The following TMEM167A variants were observed in gnomAD, a reference collection of about 807,000 sequenced individuals.
The protein encoded by TMEM167A is transmembrane protein 167A.
In TMEM167A, 8 loss-of-function variants were observed where a neutral mutation model predicts 11.6. The observed-to-expected ratio is 0.69, with a 90% CI of 0.40 to 1.24. TMEM167A has a LOEUF of 1.24. Among genes scored for constraint, TMEM167A ranks in the 50% most tolerant of loss-of-function variants. The pLI is 0.01. For missense variants in TMEM167A, 62 were observed against 87.0 expected (o/e 0.71, Z 1.14); for synonymous variants, 22 against 28.0 (o/e 0.79, Z 0.67).
chr5:83,070,925 AAAAAG>A (rs1744550699), intron 1 of TMEM167A, among the ~76,000 whole-genome samples: 1 of 152,266 alleles, frequency 6.6e-6, no homozygotes, highest in South Asian at 2.1e-4. Flanking sequence ...AAGAAATCTT[AAAAAG>A]AAACCACTGA....
chr5:83,066,483 A>G (rs1744482865), intron 1 of TMEM167A, among the ~76,000 whole-genome samples: 1 of 152,222 alleles, frequency 6.6e-6, no homozygotes, highest in South Asian at 2.1e-4. Flanking sequence ...TCATAATCAT[A>G]TTATCATTCA....
At chr5:83,061,849 G>T in intron 3 of TMEM167A, 28 bp downstream of exon 3, 1 of 1,594,066 alleles carries the variant, frequency 6.3e-7, no homozygotes, top group Non-Finnish European at 8.6e-7. Flanking sequence ...TACAGCTGAA[G>T]AAATGGAGGG....
chr5:83,063,461 A>AT (rs913397289), intron 2 of TMEM167A, among the ~76,000 whole-genome samples: 1 of 152,140 alleles, frequency 6.6e-6, no homozygotes, highest in African/African-American at 2.4e-5. Context: ...TGGCTCCTTC[A>AT]TTCTAGAACC....
chr5:83,063,321 TA>T (rs1294775322), intron 2 of TMEM167A, among the ~76,000 whole-genome samples: 7 of 152,078 alleles, frequency 4.6e-5, no homozygotes, highest in African/African-American at 1.7e-4. Flanking sequence ...GGAAAGTCCT[TA>T]GAATGGTGAC....
intron 1 of TMEM167A, chr5:83,071,275 A>G (rs567219990): frequency 2.0e-4 from 30 of 152,302 alleles, no homozygotes; most frequent in Middle Eastern, 3.4e-3. Context: ...TGACATACTA[A>G]TTCCTCCAGC....
intron 1 of TMEM167A, among the ~76,000 whole-genome samples, chr5:83,075,909 C>T (rs914829213): frequency 2.6e-5 from 4 of 152,172 alleles, no homozygotes; most frequent in Non-Finnish European, 4.4e-5. Context: ...CACTTCGTAG[C>T]TCTGCAAACA....
chr5:83,065,199 G>A, intron 1 of TMEM167A, 82 bp from the exon 2 acceptor site: 5 of 862,768 alleles, frequency 5.8e-6, no homozygotes, highest in South Asian at 1.7e-5. Context: ...CACATTTAGA[G>A]TCATGTTTTT....
chr5:83,063,415 T>C (rs1188308146), intron 2 of TMEM167A, among the ~76,000 whole-genome samples: 3 of 152,098 alleles, frequency 2.0e-5, no homozygotes, highest in African/African-American at 7.2e-5. Flanking sequence ...CATTTCTTCA[T>C]CAAACAATGG....
In TMEM167A at chr5:83,055,116, G is replaced by C. The variant is rs537295336; in HGVS notation, c.*1968C>G. On this transcript the variant is annotated 3_prime_UTR_variant, in exon 4 of 4. Coordinates refer to ENST00000502346, the MANE Select transcript of TMEM167A (RefSeq NM_174909.5). ...TCAGAATGGTTGTTGTTACAAATAT[G>C]CTGCCTCCCACTCTGTTTAGCATCT... 1 of 152,080 alleles carries C rather than the reference G, an allele frequency of 6.6e-6. No individual in the cohort carries two copies. The highest frequency in any genetic ancestry group is 6.6e-5 in the Admixed American group (1 of 15,248). 9.4% of individuals were successfully genotyped at this position (152,080 alleles called of 1,614,324 possible).
At chr5:83,067,695 TAG>T (rs992126898) in intron 1 of TMEM167A, among the ~76,000 whole-genome samples, 4 of 151,062 alleles carry the variant, frequency 2.6e-5, no homozygotes, top group African/African-American at 9.8e-5. Flanking sequence ...TTTTTTTTAG[TAG>T]AGACAGGGTT....
chr5:83,057,522 T>C (rs1301058911), intron 3 of TMEM167A, among the ~76,000 whole-genome samples: 1 of 152,010 alleles, frequency 6.6e-6, no homozygotes, highest in African/African-American at 2.4e-5. Flanking sequence ...TTATTTTCTG[T>C]CTATAAAAAG....
chr5:83,077,327 G>A lies in TMEM167A; in HGVS notation c.-4C>T. The A allele has an allele frequency of 3.1e-6, 5 of 1,614,150 alleles. No homozygotes were observed. The highest frequency in any genetic ancestry group is 4.2e-6 in the Non-Finnish European group (5 of 1,180,022). On this transcript the variant is annotated 5_prime_UTR_variant, in exon 1 of 4. Transcript: ENST00000502346. ...TGGGAGCCCCACTTCTTACCATAGC[G>A]AGGCCGGCGATGCCGCAGCCACATC...
At chr5:83,058,407 T>A (rs1490786854) in intron 3 of TMEM167A, among the ~76,000 whole-genome samples, 8 of 151,940 alleles carry the variant, frequency 5.3e-5, no homozygotes, top group Non-Finnish European at 1.2e-4. Flanking sequence ...CTAAAAAAAA[T>A]CTAGAAAGTG....
At chr5:83,070,024 T>C (rs145549603) in intron 1 of TMEM167A, among the ~76,000 whole-genome samples, 1 of 152,082 alleles carries the variant, frequency 6.6e-6, no homozygotes, top group Non-Finnish European at 1.5e-5. Context: ...AAGATGCAAA[T>C]TTCCTTATAT....
intron 3 of TMEM167A, among the ~76,000 whole-genome samples, chr5:83,059,103 G>T (rs562561192): frequency 6.7e-6 from 1 of 149,152 alleles, no homozygotes; most frequent in South Asian, 2.1e-4. Context: ...CATTTAAAAT[G>T]AACCATTCAA....
At chr5:83,061,012 A>G (rs1185678641) in intron 3 of TMEM167A, among the ~76,000 whole-genome samples, 1 of 152,210 alleles carries the variant, frequency 6.6e-6, no homozygotes, top group African/African-American at 2.4e-5. Context: ...CTTATCATGG[A>G]AAGTTGTAAG....
chr5:83,077,148 C>T (rs1744692261), intron 1 of TMEM167A, among the ~76,000 whole-genome samples, 173 bp downstream of exon 1: 1 of 152,234 alleles, frequency 6.6e-6, no homozygotes, highest in African/African-American at 2.4e-5. Flanking sequence ...CAGCAGTCTT[C>T]CTCGGACAGT....
At chr5:83,070,734 T>G (rs1463938908) in intron 1 of TMEM167A, among the ~76,000 whole-genome samples, 1 of 152,184 alleles carries the variant, frequency 6.6e-6, no homozygotes, top group Non-Finnish European at 1.5e-5. Flanking sequence ...TTTTAGATTT[T>G]TAAAATCATT....
At position 83,052,882 on chromosome 5, in the gene TMEM167A, A is replaced by T. The variant is rs1196081623; in HGVS notation, c.*4202T>A. ...TCTTGACTTTTATTACACACTAGAC[A>T]TATATGAACTAATCAGAGATGTGCA... is the stretch of plus-strand genomic sequence containing the variant. On this transcript the variant is annotated 3_prime_UTR_variant, in exon 4 of 4. Transcript: ENST00000502346. 6.6e-6 allele frequency: 1 copy of T among 152,068 alleles called. No individual in the cohort carries two copies. The highest frequency in any genetic ancestry group is 2.4e-5 in the African/African-American group (1 of 41,528). The allele number at this position is 152,068 out of a possible 1,614,324, so 9.4% of individuals were successfully genotyped here.
Sources: gnomAD v4.1 joint callset for allele counts (sites outside exome capture counted in the v4.1 genomes callset) on GRCh38, gnomAD v4.1.1 for gene constraint, MANE v1.5 for transcripts, NCBI Gene and HGNC (gene_info 2026-07-23, HGNC 2026-07-21) for gene names.